PIK3R1: variants seen among roughly 807,000 people sequenced by gnomAD.
The protein encoded by PIK3R1 is phosphatidylinositol 3-kinase regulatory subunit alpha.
A neutral mutation model predicts 98.0 loss-of-function variants in PIK3R1; 29 were observed. The observed-to-expected ratio is 0.30, with a 90% CI of 0.22 to 0.40. The LOEUF is 0.40. PIK3R1 is among the 10% of genes least tolerant of loss of function. The probability of loss-of-function intolerance (pLI) is 1.00; values close to 1 mark genes in which losing one functional copy is unlikely to be tolerated. For missense variants in PIK3R1, 596 were observed against 872.7 expected, an observed-to-expected ratio of 0.68 and a Z score of 3.99; for synonymous variants, 282 against 311.8, an observed-to-expected ratio of 0.90 and a Z score of 1.01.
chr5:68,291,100 C>T (rs1747363632), intron 7 of PIK3R1: 2 of 343,716 alleles, frequency 5.8e-6, no homozygotes, highest in Non-Finnish European at 5.3e-6. Flanking sequence ...TTTTGTTAAT[C>T]GAGATCCTTC....
rs1747463827 is a variant in PIK3R1, at chr5:68,292,764, T to C, written c.1020-337T>C. The C allele has an allele frequency of 2.4e-6, 3 of 1,268,436 alleles. No individual in the cohort carries two copies. The East Asian group carries it at 1.1e-4, about 47-fold the overall frequency. 78.6% of individuals were successfully genotyped at this position (1,268,436 alleles called of 1,614,324 possible). On this transcript the variant is annotated intron_variant, in intron 8 of 15. Coordinates refer to ENST00000521381, the MANE Select transcript of PIK3R1 (RefSeq NM_181523.3). ...ACTCTTTTGAGATCATGAGTTTCTGTGCTCATTTGTCAGAGAGATTGTAAT... is the reference window on the plus strand; with the variant it reads ...ACTCTTTTGAGATCATGAGTTTCTGCGCTCATTTGTCAGAGAGATTGTAAT...
intron 8 of PIK3R1, 103 bp downstream of exon 8, chr5:68,292,464 G>T: frequency 7.0e-7 from 1 of 1,432,492 alleles, no homozygotes. Flanking sequence ...ACATAAGCAT[G>T]AAGCATAGTT....
chr5:68,262,145 C>T (rs1421140666), intron 2 of PIK3R1, among the ~76,000 whole-genome samples: 1 of 151,884 alleles, frequency 6.6e-6, no homozygotes, highest in Non-Finnish European at 1.5e-5. Flanking sequence ...AGCGTATTTC[C>T]ATCAGGAATC....
chr5:68,243,678 G>A (rs1243750180), intron 2 of PIK3R1, among the ~76,000 whole-genome samples: 1 of 152,182 alleles, frequency 6.6e-6, no homozygotes, highest in Non-Finnish European at 1.5e-5. Context: ...AGGAGCTACT[G>A]TACCATCAAG....
At chr5:68,235,235 T>G (rs899158312) in intron 2 of PIK3R1, among the ~76,000 whole-genome samples, 23 of 151,904 alleles carry the variant, frequency 1.5e-4, no homozygotes, top group Non-Finnish European at 3.1e-4. Context: ...AAACCCCATC[T>G]CTACTAAAAA....
intron 2 of PIK3R1, among the ~76,000 whole-genome samples, chr5:68,237,352 AC>A (rs978728195): frequency 3.9e-5 from 6 of 152,184 alleles, no homozygotes; most frequent in African/African-American, 9.7e-5. Flanking sequence ...TGAATGCCAA[AC>A]CATATTTCTC....
intron 15 of PIK3R1, among the ~76,000 whole-genome samples, chr5:68,296,850 A>C (rs76524864): frequency 6.6e-6 from 1 of 152,208 alleles, no homozygotes; most frequent in Non-Finnish European, 1.5e-5. Context: ...CTAGTAGGGA[A>C]TGGTTCTAAA....
chr5:68,235,872 A>ATTTTTTTT (rs56930555), intron 2 of PIK3R1, among the ~76,000 whole-genome samples: 4 of 146,642 alleles, frequency 2.7e-5, no homozygotes, highest in Non-Finnish European at 1.5e-5. Flanking sequence ...TCTGCCAGGC[A>ATTTTTTTT]TTTTTTTTTT....
At chr5:68,288,427 G>A (rs1205801559) in intron 7 of PIK3R1, 10 of 1,245,170 alleles carry the variant, frequency 8.0e-6, no homozygotes, top group Non-Finnish European at 9.0e-6. Flanking sequence ...ATACAGTAGC[G>A]AAATCCAGTT....
At chr5:68,275,006 G>A (rs1315986842) in intron 4 of PIK3R1, among the ~76,000 whole-genome samples, 1 of 152,222 alleles carries the variant, frequency 6.6e-6, no homozygotes, top group Non-Finnish European at 1.5e-5. Flanking sequence ...TTTGAAGCAT[G>A]AGGCAGTTTC....
At chr5:68,267,093 G>C (rs1426161373) in intron 2 of PIK3R1, among the ~76,000 whole-genome samples, 1 of 152,162 alleles carries the variant, frequency 6.6e-6, no homozygotes, top group Non-Finnish European at 1.5e-5. Context: ...CTGGTGAGGA[G>C]AGGAGGAAAT....
intron 2 of PIK3R1, among the ~76,000 whole-genome samples, chr5:68,273,136 G>T (rs549533670): frequency 6.6e-6 from 1 of 152,200 alleles, no homozygotes; most frequent in East Asian, 1.9e-4. Flanking sequence ...AGGGGGGTTT[G>T]TCCTGGGGAG....
At chr5:68,291,521 T>A (rs1452550982) in intron 7 of PIK3R1, 1 of 151,988 alleles carries the variant, frequency 6.6e-6, no homozygotes, top group Non-Finnish European at 1.5e-5. Context: ...CCTGCCCCCA[T>A]TTAAGGTATT....
chr5:68,246,141 A>G (rs1444907175), intron 2 of PIK3R1, among the ~76,000 whole-genome samples: 2 of 152,104 alleles, frequency 1.3e-5, no homozygotes, highest in African/African-American at 2.4e-5. Context: ...TTTACATTAT[A>G]TATCTTCATT....
intron 4 of PIK3R1, among the ~76,000 whole-genome samples, chr5:68,274,333 C>T (rs1746485289): frequency 6.6e-6 from 1 of 152,166 alleles, no homozygotes; most frequent in South Asian, 2.1e-4. Flanking sequence ...ACCATCTTTC[C>T]TTGACCCTGA....
intron 2 of PIK3R1, among the ~76,000 whole-genome samples, chr5:68,270,235 CTT>C (rs34695203): frequency 1.3e-5 from 2 of 152,054 alleles, no homozygotes; most frequent in African/African-American, 4.8e-5. Context: ...TAAACTAACA[CTT>C]TTTGCCGAAA....
chr5:68,268,515 G>C (rs1040613260), intron 2 of PIK3R1, among the ~76,000 whole-genome samples: 3 of 152,218 alleles, frequency 2.0e-5, no homozygotes, highest in Non-Finnish European at 2.9e-5. Context: ...TCCTGAGAGA[G>C]ATTCAGACAG....
At chr5:68,282,609 G>A (rs775730010) in intron 7 of PIK3R1, among the ~76,000 whole-genome samples, 21 of 152,152 alleles carry the variant, frequency 1.4e-4, no homozygotes, top group African/African-American at 4.6e-4. Flanking sequence ...CTAGTTAAAC[G>A]CCTTTGTTAG....
intron 1 of PIK3R1, among the ~76,000 whole-genome samples, chr5:68,225,357 C>G (rs1428326966): frequency 1.3e-5 from 2 of 152,008 alleles, no homozygotes; most frequent in East Asian, 1.9e-4. Context: ...AATCACAGAC[C>G]AGGGTTTCAT....
Sources: allele counts gnomAD v4.1 joint callset (sites outside exome capture counted in the v4.1 genomes callset), GRCh38; gene constraint gnomAD v4.1.1; transcripts MANE v1.5; gene names NCBI Gene and HGNC (gene_info 2026-07-23, HGNC 2026-07-21).